CNTNAP2: variants seen among roughly 807,000 people sequenced by gnomAD.
CNTNAP2 encodes contactin-associated protein-like 2.
A neutral mutation model predicts 155.2 loss-of-function variants in CNTNAP2; 98 were observed. The ratio of observed to expected loss-of-function variants is 0.63; its 90% CI spans 0.54 to 0.75. The LOEUF is 0.75. Ranked by LOEUF, CNTNAP2 falls within the 30% of genes least tolerant of loss-of-function variation. The probability of loss-of-function intolerance (pLI) is 0.00; values close to 1 mark genes in which losing one functional copy is unlikely to be tolerated. For missense variants in CNTNAP2, 1,727 were observed against 1,688.1 expected (o/e 1.02, Z -0.40); for synonymous variants, 651 against 631.2 (o/e 1.03, Z -0.47).
In CNTNAP2 at chr7:147,051,184, G is replaced by GTATA. The variant is rs10567949; in HGVS notation, c.550+7147_550+7150dup. ...CACAATATTATATATACATATATAT[G>GTATA]TATATATATATATATATATAAATCA... On this transcript the variant is annotated intron_variant, in intron 4 of 23. Transcript: ENST00000361727. Among the ~76,000 whole-genome samples the GTATA allele has an allele frequency of 8.2e-3, 810 of 98,458 alleles. 9 individuals carry two copies. Among genetic ancestry groups the GTATA allele is most frequent in the African/African-American group, 0.029 (685 of 23,936 alleles). 64.6% of individuals were successfully genotyped at this position (98,458 alleles called of 152,430 possible). A position where few individuals can be genotyped will look rare whatever the true frequency, so the allele number is the denominator to read the frequency against.
chr7:146,936,141 G>A (rs1036394279), intron 3 of CNTNAP2, among the ~76,000 whole-genome samples: 5 of 152,042 alleles, frequency 3.3e-5, no homozygotes, highest in Non-Finnish European at 7.4e-5. Flanking sequence ...CTAAAGTTTG[G>A]TCACACTCTC....
intron 13 of CNTNAP2, among the ~76,000 whole-genome samples, chr7:147,807,861 A>G (rs1798116765): frequency 6.6e-6 from 1 of 152,136 alleles, no homozygotes; most frequent in South Asian, 2.1e-4. Context: ...TGAATAAAAG[A>G]TAGTTTGGGT....
At chr7:147,585,516 AGAT>A (rs997980015) in intron 12 of CNTNAP2, among the ~76,000 whole-genome samples, 10 of 150,148 alleles carry the variant, frequency 6.7e-5, no homozygotes, top group Non-Finnish European at 1.5e-4. Context: ...ATATATAGAT[AGAT>A]GATATATATA....
intron 21 of CNTNAP2, among the ~76,000 whole-genome samples, chr7:148,338,474 C>A (rs1376294058): frequency 6.6e-6 from 1 of 151,820 alleles, no homozygotes; most frequent in Non-Finnish European, 1.5e-5. Context: ...ACTCTTCCCT[C>A]CCCCCACCCC....
At chr7:146,938,643 T>G (rs1311851785) in intron 3 of CNTNAP2, among the ~76,000 whole-genome samples, 1 of 152,016 alleles carries the variant, frequency 6.6e-6, no homozygotes, top group Non-Finnish European at 1.5e-5. Flanking sequence ...ATGTTTATAA[T>G]TTTTATTCTG....
intron 4 of CNTNAP2, among the ~76,000 whole-genome samples, chr7:147,069,768 T>C (rs973043963): frequency 6.6e-5 from 10 of 152,224 alleles, no homozygotes; most frequent in Non-Finnish European, 1.2e-4. Flanking sequence ...AGTTGTCCAA[T>C]AGAATTTTCT....
intron 1 of CNTNAP2, among the ~76,000 whole-genome samples, chr7:146,493,034 C>T (rs1164749115): frequency 6.6e-6 from 1 of 152,074 alleles, no homozygotes; most frequent in Non-Finnish European, 1.5e-5. Flanking sequence ...AGTCTATAAT[C>T]CAGGCAGACA....
At chr7:148,219,671 A>C (rs907298074) in intron 19 of CNTNAP2, among the ~76,000 whole-genome samples, 2 of 152,108 alleles carry the variant, frequency 1.3e-5, no homozygotes, top group African/African-American at 4.8e-5. Flanking sequence ...ATCTCTACCA[A>C]AAATAATTTT....
At chr7:147,042,467 C>A (rs35364443) in intron 3 of CNTNAP2, among the ~76,000 whole-genome samples, 2 of 152,122 alleles carry the variant, frequency 1.3e-5, no homozygotes, top group Admixed American at 1.3e-4. Flanking sequence ...GGTTGGATAA[C>A]AGATCTACTA....
intron 17 of CNTNAP2, among the ~76,000 whole-genome samples, chr7:148,163,569 C>T (rs1805592059): frequency 6.6e-6 from 1 of 152,112 alleles, no homozygotes; most frequent in African/African-American, 2.4e-5. Flanking sequence ...TTCACATGTT[C>T]TGCATGTCCT....
chr7:148,228,668 C>CA (rs922977325), intron 19 of CNTNAP2, among the ~76,000 whole-genome samples: 33 of 147,478 alleles, frequency 2.2e-4, no homozygotes, highest in South Asian at 4.3e-4. Context: ...CTAAAAATAC[C>CA]AAAAAAAAAA....
chr7:147,152,337 G>T (rs1801844110), intron 8 of CNTNAP2, among the ~76,000 whole-genome samples: 1 of 151,896 alleles, frequency 6.6e-6, no homozygotes, highest in Admixed American at 6.6e-5. Flanking sequence ...ATAGACTCTA[G>T]AACCTGAATG....
chr7:146,670,527 T>TA (rs1181478523), intron 1 of CNTNAP2, among the ~76,000 whole-genome samples: 9 of 152,196 alleles, frequency 5.9e-5, no homozygotes, highest in Admixed American at 3.3e-4. Flanking sequence ...AGACTCGGAT[T>TA]AAAAAATATA....
intron 15 of CNTNAP2, among the ~76,000 whole-genome samples, chr7:148,031,394 C>T (rs1295046882): frequency 6.6e-6 from 1 of 152,176 alleles, no homozygotes; most frequent in Non-Finnish European, 1.5e-5. Flanking sequence ...AACTTAAAGC[C>T]TCCTTGGTCA....
intron 2 of CNTNAP2, among the ~76,000 whole-genome samples, chr7:146,820,245 G>C (rs1563245128): frequency 6.6e-6 from 1 of 151,908 alleles, no homozygotes; most frequent in Non-Finnish European, 1.5e-5. Context: ...GCTTCAAGTA[G>C]GAAAATTCAC....
At chr7:147,463,687 C>T (rs1283420064) in intron 10 of CNTNAP2, among the ~76,000 whole-genome samples, 1 of 152,064 alleles carries the variant, frequency 6.6e-6, no homozygotes, top group Non-Finnish European at 1.5e-5. Context: ...TTTTGCAAAC[C>T]GTATCTGTCA....
rs564333673 is a variant in CNTNAP2 at position 146,561,257 on chromosome 7, A to G, written c.98-213014A>G. On this transcript the variant is annotated intron_variant, in intron 1 of 23. Coordinates refer to ENST00000361727, the MANE Select transcript of CNTNAP2 (RefSeq NM_014141.6). ...CTTTTCAACCACCCCCAAAGGTAAT[A>G]TCTAAATTGTACAACCAGAATTTAC... Among the ~76,000 whole-genome samples the G allele has an allele frequency of 3.9e-5, 6 of 152,294 alleles. No homozygotes were observed. The South Asian group carries it at 1.2e-3, about 32-fold the overall frequency.
chr7:146,431,544 A>C lies in CNTNAP2; in HGVS notation c.97+314571A>C, dbSNP rs578190263. On this transcript the variant is annotated intron_variant, in intron 1 of 23. Coordinates refer to ENST00000361727, the MANE Select transcript of CNTNAP2 (RefSeq NM_014141.6). The stretch of plus-strand genomic sequence containing the variant: ...CAATATTTATAGCCAACCTGTGAAG[A>C]GCGTACTATTTGCCAGGCATATTTC... Among the ~76,000 whole-genome samples, 3 of 152,178 alleles carry C rather than the reference A, an allele frequency of 2.0e-5. No homozygotes were observed. The East Asian group carries it at 5.8e-4, about 29-fold the overall frequency.
At chr7:147,646,948 GTTTA>G (rs201104560) in intron 13 of CNTNAP2, among the ~76,000 whole-genome samples, 2,269 of 150,082 alleles carry the variant, frequency 0.015, 185 homozygotes, top group Admixed American at 0.14. Flanking sequence ...TACTAATTTT[GTTTA>G]TTTGTTTGTG....
Sources: gnomAD v4.1 joint callset for allele counts (sites outside exome capture counted in the v4.1 genomes callset) on GRCh38, gnomAD v4.1.1 for gene constraint, MANE v1.5 for transcripts, NCBI Gene and HGNC (gene_info 2026-07-23, HGNC 2026-07-21) for gene names.